Variants in NAA50 observed in about 807,000 individuals in gnomAD.
NAA50 encodes N-alpha-acetyltransferase 50.
NAA50 carries 7 observed loss-of-function variants against 20.7 expected under a neutral mutation model. The observed-to-expected ratio is 0.34, with a 90% confidence interval of 0.19 to 0.63. The LOEUF (loss-of-function observed/expected upper bound fraction) is 0.63, where lower values mean the gene tolerates loss of function less well. Ranked by LOEUF, NAA50 falls within the 30% of genes least tolerant of loss-of-function variation. NAA50 has a pLI of 0.75. For synonymous variants in NAA50, 54 were observed against 70.6 expected (o/e 0.77, Z 1.18); for missense variants, 111 against 199.1 (o/e 0.56, Z 2.66).
At chr3:113,744,324 C>A (rs1388637014) in intron 1 of NAA50, among the ~76,000 whole-genome samples, 1 of 152,028 alleles carries the variant, frequency 6.6e-6, no homozygotes, top group Admixed American at 6.5e-5. Flanking sequence ...ATTAGCAAGG[C>A]GTGGTGGTGC....
intron 1 of NAA50, among the ~76,000 whole-genome samples, chr3:113,731,075 T>C (rs1384228396): frequency 1.3e-5 from 2 of 152,166 alleles, no homozygotes; most frequent in South Asian, 2.1e-4. Context: ...TTAATTTGCA[T>C]CCCCCTAAAT....
chr3:113,745,909 C>T, intron 1 of NAA50, 33 bp downstream of exon 1: 1 of 1,600,960 alleles, frequency 6.2e-7, no homozygotes, highest in Non-Finnish European at 8.5e-7. Flanking sequence ...TTCTACCCCA[C>T]CGGCCGGGCC....
chr3:113,719,425 AATT>A lies in NAA50; in HGVS notation c.*2332_*2334del, dbSNP rs1020096451. The A allele has an allele frequency of 9.2e-5, 14 of 152,564 alleles. No individual in the cohort carries two copies. In the South Asian group the frequency reaches 1.2e-3, roughly 14 times the overall value. 9.5% of individuals were successfully genotyped at this position (152,564 alleles called of 1,614,324 possible). A position where few individuals can be genotyped will look rare whatever the true frequency, so the allele number is the denominator to read the frequency against. On this transcript the variant is annotated 3_prime_UTR_variant, in exon 5 of 5. Transcript: ENST00000240922. ...AACAGAATTGTTCTACTTCAAAGAT[AATT>A]ATTATCATATATCAAAATAACCAGC...
At chr3:113,742,925 T>C (rs1295577168) in intron 1 of NAA50, among the ~76,000 whole-genome samples, 1 of 152,210 alleles carries the variant, frequency 6.6e-6, no homozygotes, top group Non-Finnish European at 1.5e-5. Flanking sequence ...TGGTTATCTG[T>C]GGCATACCTT....
At chr3:113,729,139 C>A (rs1708238634) in intron 1 of NAA50, among the ~76,000 whole-genome samples, 1 of 152,082 alleles carries the variant, frequency 6.6e-6, no homozygotes, top group Non-Finnish European at 1.5e-5. Context: ...GCATGTGCCA[C>A]CACTCCTAAC....
chr3:113,722,823 G>A, intron 4 of NAA50, 83 bp downstream of exon 4: 1 of 1,413,256 alleles, frequency 7.1e-7, no homozygotes, highest in Non-Finnish European at 9.5e-7. Context: ...CACAATAAGT[G>A]ACCAGATTTT....
intron 1 of NAA50, among the ~76,000 whole-genome samples, chr3:113,726,948 C>A (rs143999975): frequency 6.6e-6 from 1 of 152,274 alleles, no homozygotes; most frequent in East Asian, 1.9e-4. Flanking sequence ...CATGCCACCA[C>A]GCCCAGCTGA....
At chr3:113,730,753 T>G (rs1169791169) in intron 1 of NAA50, among the ~76,000 whole-genome samples, 1 of 152,238 alleles carries the variant, frequency 6.6e-6, no homozygotes, top group African/African-American at 2.4e-5. Context: ...CCCGGTGTTG[T>G]GCATATCAAT....
intron 1 of NAA50, among the ~76,000 whole-genome samples, chr3:113,732,489 A>G (rs1708283905): frequency 6.6e-6 from 1 of 152,182 alleles, no homozygotes; most frequent in Non-Finnish European, 1.5e-5. Flanking sequence ...AGGAGGCTAG[A>G]AGTCCAAAAT....
At chr3:113,727,336 T>G (rs1309425563) in intron 1 of NAA50, among the ~76,000 whole-genome samples, 2 of 152,218 alleles carry the variant, frequency 1.3e-5, no homozygotes, top group Non-Finnish European at 2.9e-5. Flanking sequence ...GTCAAGCTTC[T>G]AAAGTATAAA....
chr3:113,721,960 A>G (rs745524444), intron 4 of NAA50, 23 bp from the exon 5 acceptor site: 11 of 1,585,474 alleles, frequency 6.9e-6, no homozygotes, highest in East Asian at 2.2e-5. Flanking sequence ...AGAGTATCAG[A>G]AAAAAAATTA....
intron 1 of NAA50, 34 bp from the exon 2 acceptor site, chr3:113,724,129 A>T (rs376765806): frequency 2.6e-4 from 392 of 1,500,028 alleles, no homozygotes; most frequent in Non-Finnish European, 3.3e-4. Context: ...AATAAAACAT[A>T]ATTAGCCCCA....
At chr3:113,728,038 A>G (rs181174298) in intron 1 of NAA50, among the ~76,000 whole-genome samples, 148 of 151,944 alleles carry the variant, frequency 9.7e-4, no homozygotes, top group Middle Eastern at 3.4e-3. Context: ...TCAAAGTACT[A>G]TAATCAACTT....
At chr3:113,731,327 C>T (rs1355868820) in intron 1 of NAA50, among the ~76,000 whole-genome samples, 1 of 151,990 alleles carries the variant, frequency 6.6e-6, no homozygotes, top group Non-Finnish European at 1.5e-5. Context: ...AAATTTATTT[C>T]ATGGATTTAT....
At chr3:113,723,200 A>AAAACAGAAAAAGCAGAAGGGGACGT (rs1463817076) in intron 3 of NAA50, among the ~76,000 whole-genome samples, 90 of 152,298 alleles carry the variant, frequency 5.9e-4, no homozygotes, top group Non-Finnish European at 1.2e-3. Flanking sequence ...GGGTAGAAGA[A>AAAACAGAAAAAGCAGAAGGGGACGT]AAACAGAAAA....
In NAA50 at chr3:113,719,520, C is replaced by A. The variant is rs1279212465; in HGVS notation, c.*2240G>T. 6.6e-6 allele frequency: 1 copy of A among 152,564 alleles called. No homozygotes were observed. Among genetic ancestry groups the A allele is most frequent in the Non-Finnish European group, 1.5e-5 (1 of 68,002 alleles). 9.5% of individuals were successfully genotyped at this position (152,564 alleles called of 1,614,324 possible). On this transcript the variant is annotated 3_prime_UTR_variant, in exon 5 of 5. Coordinates refer to ENST00000240922, the MANE Select transcript of NAA50 (RefSeq NM_025146.4). ...ATATGAACTTGTGCCCAGCTTTTTA[C>A]CTCTTCCACATTCTCCTCCTCCTCC...
chr3:113,736,261 C>T (rs979230827), intron 1 of NAA50, among the ~76,000 whole-genome samples: 3 of 152,174 alleles, frequency 2.0e-5, no homozygotes, highest in African/African-American at 7.2e-5. Flanking sequence ...AACCCCAAGG[C>T]ATTTTCATAC....
chr3:113,725,808 C>T (rs1708191926), intron 1 of NAA50, among the ~76,000 whole-genome samples: 1 of 134,276 alleles, frequency 7.4e-6, no homozygotes, highest in East Asian at 2.2e-4. Context: ...AAAGAAATTT[C>T]TAAATTTGAT....
intron 1 of NAA50, among the ~76,000 whole-genome samples, chr3:113,734,160 G>A (rs1708308458): frequency 6.6e-6 from 1 of 152,052 alleles, no homozygotes; most frequent in Non-Finnish European, 1.5e-5. Context: ...CAGCAATATG[G>A]ATGCAGCTGG....
Sources: allele counts gnomAD v4.1 joint callset (sites outside exome capture counted in the v4.1 genomes callset), GRCh38; gene constraint gnomAD v4.1.1; transcripts MANE v1.5; gene names NCBI Gene and HGNC (gene_info 2026-07-23, HGNC 2026-07-21).